The following KCTD21 variants were observed in gnomAD, a reference collection of about 807,000 sequenced individuals.
KCTD21 encodes the protein BTB/POZ domain-containing protein KCTD21.
A neutral mutation model predicts 13.2 loss-of-function variants in KCTD21; 9 were observed. The ratio of observed to expected loss-of-function variants is 0.68; its 90% CI spans 0.41 to 1.19. The LOEUF (loss-of-function observed/expected upper bound fraction) is 1.19, where lower values mean the gene tolerates loss of function less well. KCTD21 is among the 50% of genes most tolerant of loss of function. The pLI is 0.01. For synonymous variants in KCTD21, 142 were observed against 137.4 expected (o/e 1.03, Z -0.23); for missense variants, 303 against 336.5 (o/e 0.90, Z 0.78).
Position 78,174,237 on chromosome 11 carries a change from G to A in KCTD21, c.318C>T (p.Ala106=), listed in dbSNP as rs143201258. 1.0e-3 allele frequency: 1,669 copies of A among 1,613,878 alleles called. 15 individuals carry two copies. Among genetic ancestry groups the A allele is most frequent in the Non-Finnish European group, 4.5e-4 (532 of 1,180,040 alleles). The change falls in exon 2 of 2, where the codon GCC becomes GCT. Residue 106 remains alanine, a synonymous_variant. Coordinates refer to ENST00000340067, the MANE Select transcript of KCTD21 (RefSeq NM_001029859.3). Reference sequence around the variant, plus strand: ...TGATGTTGAGCATGGCATTCTTCTCGGCCTTGGAGAGCTCCACTTCCTTCT... The same window carrying A: ...TGATGTTGAGCATGGCATTCTTCTCAGCCTTGGAGAGCTCCACTTCCTTCT... ...LQEKEVELSK[A]EKNAMLNITL...
rs145982571 is a variant in KCTD21 at position 78,174,199 on chromosome 11, C to T, written c.356G>A (p.Arg119His). The T allele has an allele frequency of 7.3e-5, 118 of 1,613,940 alleles. No individual in the cohort carries two copies. The highest frequency in any genetic ancestry group is 9.2e-5 in the Non-Finnish European group (108 of 1,180,038). The change falls in exon 2 of 2, where the codon CGT (arginine) becomes CAT (histidine). Residue 119 changes from arginine (R) to histidine (H), a missense_variant. Physicochemically the swap from Arg to His is conservative, Grantham distance 29. Coordinates refer to ENST00000340067, the MANE Select transcript of KCTD21 (RefSeq NM_001029859.3). ...NAMLNITLNQ[R>H]VQTVHFTVRE... is the part of the protein sequence containing the mutation. ...CACAGTGAAGTGGACCGTCTGCACA[C>T]GCTGGTTCAGTGTGATGTTGAGCAT...
At chr11:78,187,420 G>C (rs1411698818) in intron 1 of KCTD21, 1 of 985,286 alleles carries the variant, frequency 1.0e-6, no homozygotes. Context: ...ACCCCAGAAT[G>C]AGCTGCGCAA....
chr11:78,171,672 C>T lies in KCTD21; in HGVS notation c.*2100G>A, dbSNP rs1040698403. ...TGGAGTCTCTCTGCAATGGCACACT[C>T]TCAGCTCACTGCAACCTCTGCTATC... On this transcript the variant is annotated 3_prime_UTR_variant, in exon 2 of 2. Transcript: ENST00000340067. 5 of 152,256 alleles carry T rather than the reference C, an allele frequency of 3.3e-5. No homozygotes were observed. The highest frequency in any genetic ancestry group is 1.2e-4 in the African/African-American group (5 of 41,464). The allele number at this position is 152,256 out of a possible 1,614,324, so 9.4% of individuals were successfully genotyped here. A position where few individuals can be genotyped will look rare whatever the true frequency, so the allele number is the denominator to read the frequency against.
At chr11:78,188,519 C>T (rs1565389993) in intron 1 of KCTD21, 54 bp downstream of exon 1, 2 of 985,444 alleles carry the variant, frequency 2.0e-6, no homozygotes, top group Non-Finnish European at 2.4e-6. Context: ...AGTGGGCCCA[C>T]GTACCCTCGC....
chr11:78,186,780 G>C, intron 1 of KCTD21: 1 of 985,440 alleles, frequency 1.0e-6, no homozygotes, highest in African/African-American at 1.7e-5. Context: ...GCATCGGCCA[G>C]GTCTCTCAGC....
intron 1 of KCTD21, among the ~76,000 whole-genome samples, chr11:78,177,528 C>T (rs1862490613): frequency 1.3e-5 from 2 of 152,134 alleles, no homozygotes; most frequent in African/African-American, 4.8e-5. Flanking sequence ...CTCCAGAGGG[C>T]CCAGGCAGGA....
intron 1 of KCTD21, chr11:78,174,838 C>T (rs527984343): frequency 8.6e-6 from 3 of 346,854 alleles, no homozygotes; most frequent in East Asian, 9.9e-5. Flanking sequence ...GGGTCCCCCG[C>T]GCCCCCCTCT....
chr11:78,174,204 G>C lies in KCTD21; in HGVS notation c.351C>G (p.Asn117Lys), dbSNP rs774724314. 6.2e-7 allele frequency: 1 copy of C among 1,614,082 alleles called. No individual in the cohort carries two copies. Among genetic ancestry groups the C allele is most frequent in the South Asian group, 1.1e-5 (1 of 91,078 alleles). ...EKNAMLNITL[N>K]QRVQTVHFTV... is the part of the protein sequence containing the mutation. ...TGAAGTGGACCGTCTGCACACGCTG[G>C]TTCAGTGTGATGTTGAGCATGGCAT... Residue 117 changes from asparagine (N) to lysine (K), a missense_variant, in exon 2 of 2, where the codon AAC becomes AAG. By Grantham distance (94) the Asn-to-Lys change is moderately conservative. Coordinates refer to ENST00000340067, the MANE Select transcript of KCTD21 (RefSeq NM_001029859.3).
rs1380753861 is a variant in KCTD21, at chr11:78,172,840, G to A, written c.*932C>T. 1 of 152,578 alleles carries A rather than the reference G, an allele frequency of 6.6e-6. No homozygotes were observed. Among genetic ancestry groups the A allele is most frequent in the Non-Finnish European group, 1.5e-5 (1 of 68,058 alleles). 9.5% of individuals were successfully genotyped at this position (152,578 alleles called of 1,614,324 possible). ...TGCAAGCAGGCCAAGGTGATCACTT[G>A]CAGGTACCCAGGGAGAGGCGCTCAT... On this transcript the variant is annotated 3_prime_UTR_variant, in exon 2 of 2. Transcript: ENST00000340067.
intron 1 of KCTD21, among the ~76,000 whole-genome samples, chr11:78,183,301 C>T (rs879505132): frequency 5.3e-5 from 8 of 152,176 alleles, no homozygotes; most frequent in South Asian, 2.1e-4. Context: ...TTTGGGAGGC[C>T]GAGGCGGGCG....
chr11:78,177,550 G>T (rs1448624792), intron 1 of KCTD21, among the ~76,000 whole-genome samples: 1 of 152,170 alleles, frequency 6.6e-6, no homozygotes, highest in Non-Finnish European at 1.5e-5. Flanking sequence ...GTGGACCCAG[G>T]AGTGGGTCCC....
chr11:78,180,213 G>A (rs1402615152), intron 1 of KCTD21, among the ~76,000 whole-genome samples: 2 of 152,154 alleles, frequency 1.3e-5, no homozygotes, highest in Admixed American at 6.5e-5. Flanking sequence ...CTTCATCCAC[G>A]TAAAAAACTT....
chr11:78,182,703 T>C (rs1473934113), intron 1 of KCTD21, among the ~76,000 whole-genome samples: 1 of 152,178 alleles, frequency 6.6e-6, no homozygotes, highest in Non-Finnish European at 1.5e-5. Flanking sequence ...ATGTGGATTC[T>C]TGACCTCAGA....
Position 78,173,509 on chromosome 11 carries a change from CCTTTAGTACACATCAGCTGACT to C in KCTD21, c.*241_*262del. The C allele has an allele frequency of 2.3e-6, 1 of 439,590 alleles. No individual in the cohort carries two copies. The allele number at this position is 439,590 out of a possible 1,614,324, so 27.2% of individuals were successfully genotyped here. A position where few individuals can be genotyped will look rare whatever the true frequency, so the allele number is the denominator to read the frequency against. On this transcript the variant is annotated 3_prime_UTR_variant, in exon 2 of 2. Transcript: ENST00000340067. ...TGGCTGGAAAATCCTCCTATGGCCT[CCTTTAGTACACATCAGCTGACT>C]CTTCACTTGTCATAATAAACCGCCT...
intron 1 of KCTD21, chr11:78,187,711 T>C (rs993042082): frequency 2.8e-5 from 28 of 985,258 alleles, no homozygotes; most frequent in Admixed American, 2.5e-4. Flanking sequence ...CACAGTACTA[T>C]AGGAGGGCTG....
chr11:78,188,436 C>G (rs886235434), intron 1 of KCTD21, 137 bp downstream of exon 1: 1 of 985,512 alleles, frequency 1.0e-6, no homozygotes, highest in Non-Finnish European at 1.2e-6. Flanking sequence ...GCACCACAGG[C>G]GATGCCATCC....
chr11:78,182,771 C>T (rs943448558), intron 1 of KCTD21, among the ~76,000 whole-genome samples: 4 of 152,128 alleles, frequency 2.6e-5, no homozygotes, highest in African/African-American at 4.8e-5. Context: ...GTCCTTTAGA[C>T]GTCTTCGGCA....
At position 78,188,545 on chromosome 11, in the gene KCTD21, C is replaced by T. The variant is rs1218549692; in HGVS notation, c.-30+28G>A. On this transcript the variant is annotated intron_variant, in intron 1 of 1. Transcript: ENST00000340067. Reference sequence around the variant, plus strand: ...GTACCCTCGCCGGTAGTCCCCGAGCCCCGCGACCCCGGCCGTGCCGCACCC... The same window carrying T: ...GTACCCTCGCCGGTAGTCCCCGAGCTCCGCGACCCCGGCCGTGCCGCACCC... 1.1e-5 allele frequency: 11 copies of T among 985,368 alleles called. No homozygotes were observed. In the African/African-American group the frequency reaches 1.9e-4, roughly 17 times the overall value. 61.0% of individuals were successfully genotyped at this position (985,368 alleles called of 1,614,324 possible).
intron 1 of KCTD21, chr11:78,187,807 C>T: frequency 1.0e-6 from 1 of 985,440 alleles, no homozygotes; most frequent in Non-Finnish European, 1.2e-6. Context: ...CTTTTCTTTC[C>T]TGCCTCCCAC....
Sources: allele counts gnomAD v4.1 joint callset (sites outside exome capture counted in the v4.1 genomes callset), GRCh38; gene constraint gnomAD v4.1.1; transcripts MANE v1.5; gene names NCBI Gene and HGNC (gene_info 2026-07-23, HGNC 2026-07-21).